Variants in LRRC37A2 observed in about 807,000 individuals in gnomAD.
LRRC37A2 encodes the protein leucine rich repeat containing 37 member A2, also known as leucine-rich repeat-containing protein 37A2.
Under a neutral mutation model 68.8 loss-of-function variants are expected in LRRC37A2, and 9 were observed. The observed-to-expected ratio is 0.13, with a 90% CI of 0.08 to 0.23. The LOEUF is 0.23. Among genes scored for constraint, LRRC37A2 ranks in the 10% least tolerant of loss-of-function variants. The pLI is 1.00. For synonymous variants in LRRC37A2, 63 were observed against 367.6 expected (o/e 0.17, Z 9.48); for missense variants, 168 against 950.4 (o/e 0.18, Z 10.82).
chr17:47,013,341 C>A, the LRRC37A2 span, among the ~76,000 whole-genome samples: 1 of 152,174 alleles, frequency 6.6e-6, no homozygotes, highest in African/African-American at 2.4e-5. Context: ...GGAATTAATT[C>A]TATGATACAT....
the LRRC37A2 span, among the ~76,000 whole-genome samples, chr17:47,043,564 C>G: frequency 2.0e-4 from 31 of 151,384 alleles, no homozygotes; most frequent in African/African-American, 7.2e-4. Flanking sequence ...GACAAGTGGA[C>G]AGGTGATTAC....
the LRRC37A2 span, among the ~76,000 whole-genome samples, chr17:46,824,328 A>G: frequency 6.6e-6 from 1 of 152,136 alleles, no homozygotes; most frequent in Admixed American, 6.5e-5. Flanking sequence ...GGCTCACTGC[A>G]GCATCCACCT....
the LRRC37A2 span, among the ~76,000 whole-genome samples, chr17:46,831,955 C>T: frequency 4.6e-5 from 7 of 152,378 alleles, no homozygotes; most frequent in Admixed American, 4.6e-4. Context: ...TGTGCCAGAG[C>T]TGGCTGCAGG....
At chr17:46,939,171 G>A in the LRRC37A2 span, 7 of 1,094,208 alleles carry the variant, frequency 6.4e-6, no homozygotes, top group South Asian at 2.6e-5. Flanking sequence ...ATAGGGTGGA[G>A]CAAAAGTGGA....
chr17:46,496,749 T>C, the LRRC37A2 span, among the ~76,000 whole-genome samples: 4 of 131,400 alleles, frequency 3.0e-5, no homozygotes, highest in African/African-American at 1.2e-4. Context: ...ACCCCGTCTC[T>C]ACTAAAAATA....
the LRRC37A2 span, among the ~76,000 whole-genome samples, chr17:47,033,087 G>T: frequency 6.6e-6 from 1 of 151,780 alleles, no homozygotes. Flanking sequence ...CATGGGGACG[G>T]GTACCTATGA....
At chr17:47,004,126 G>A in the LRRC37A2 span, among the ~76,000 whole-genome samples, 11,363 of 152,210 alleles carry the variant, frequency 0.075, 508 homozygotes, top group Middle Eastern at 0.12. Flanking sequence ...ATCATTGATA[G>A]GCATTTGGGT....
the LRRC37A2 span, among the ~76,000 whole-genome samples, chr17:46,812,139 A>G: frequency 1.4e-3 from 218 of 151,682 alleles, no homozygotes; most frequent in African/African-American, 5.0e-3. Context: ...CTCTTTTCCC[A>G]CCTTCTCCAC....
the LRRC37A2 span, among the ~76,000 whole-genome samples, chr17:46,739,370 CAAA>C: frequency 5.6e-4 from 30 of 53,176 alleles, 1 homozygote; most frequent in East Asian, 0.021. Flanking sequence ...GACTCTGTCT[CAAA>C]AAAAAAAAAA....
the LRRC37A2 span, among the ~76,000 whole-genome samples, chr17:47,002,270 A>G: frequency 6.6e-6 from 1 of 152,126 alleles, no homozygotes; most frequent in African/African-American, 2.4e-5. Flanking sequence ...AGATGTTTTG[A>G]TACAGGAATG....
chr17:46,898,400 C>G, the LRRC37A2 span, among the ~76,000 whole-genome samples: 1 of 152,162 alleles, frequency 6.6e-6, no homozygotes, highest in Admixed American at 6.5e-5. Flanking sequence ...CCTGCTACCC[C>G]AAGGGTTTCC....
the LRRC37A2 span, among the ~76,000 whole-genome samples, chr17:46,724,373 A>G: frequency 6.6e-6 from 1 of 152,214 alleles, no homozygotes; most frequent in East Asian, 1.9e-4. Context: ...AGTTCTGTTC[A>G]TTATATTTTC....
the LRRC37A2 span, among the ~76,000 whole-genome samples, chr17:46,855,884 A>G: frequency 1.3e-5 from 2 of 152,020 alleles, no homozygotes; most frequent in African/African-American, 2.4e-5. Flanking sequence ...TTTTTAGTAG[A>G]GACCATGTTG....
At chr17:47,014,008 G>A in the LRRC37A2 span, among the ~76,000 whole-genome samples, 21 of 152,140 alleles carry the variant, frequency 1.4e-4, no homozygotes, top group African/African-American at 4.3e-4. Context: ...CAGGAGAATC[G>A]CTTGAACCCG....
chr17:46,900,183 A>G, the LRRC37A2 span, among the ~76,000 whole-genome samples: 2 of 122,870 alleles, frequency 1.6e-5, no homozygotes, highest in African/African-American at 8.4e-5. Flanking sequence ...ATATATATAT[A>G]TATATATATA....
the LRRC37A2 span, among the ~76,000 whole-genome samples, chr17:47,003,753 G>T: frequency 6.6e-6 from 1 of 152,004 alleles, no homozygotes; most frequent in African/African-American, 2.4e-5. Flanking sequence ...TAAGTTCTAG[G>T]GTACACGTGC....
At chr17:46,754,149 C>CTTTT in the LRRC37A2 span, among the ~76,000 whole-genome samples, 4 of 134,018 alleles carry the variant, frequency 3.0e-5, no homozygotes, top group East Asian at 2.1e-4. Flanking sequence ...CCAGCCAGTT[C>CTTTT]TTTTTTTTTT....
chr17:46,562,237 C>CAA, the LRRC37A2 span, among the ~76,000 whole-genome samples: 4 of 25,990 alleles, frequency 1.5e-4, no homozygotes, highest in East Asian at 4.4e-4. Flanking sequence ...GAGTCTTTAA[C>CAA]AAAAAAAAAA....
At chr17:46,941,032 C>T in the LRRC37A2 span, 2 of 1,088,036 alleles carry the variant, frequency 1.8e-6, no homozygotes, top group South Asian at 2.8e-5. Flanking sequence ...ATTCTTAGGT[C>T]GAGCTGATGC....
Sources: gnomAD v4.1 joint callset for allele counts (sites outside exome capture counted in the v4.1 genomes callset) on GRCh38, gnomAD v4.1.1 for gene constraint, MANE v1.5 for transcripts, NCBI Gene and HGNC (gene_info 2026-07-23, HGNC 2026-07-21) for gene names.